Variants in GNAI2 observed in about 807,000 individuals in gnomAD.
GNAI2 encodes the protein guanine nucleotide-binding protein G(i) subunit alpha-2.
A neutral mutation model predicts 36.8 loss-of-function variants in GNAI2; 4 were observed. That is an observed-to-expected ratio of 0.11 (90% CI 0.05 to 0.25). The LOEUF is 0.25. GNAI2 is among the 10% of genes least tolerant of loss of function. The probability of loss-of-function intolerance (pLI) is 1.00; values close to 1 mark genes in which losing one functional copy is unlikely to be tolerated. For synonymous variants in GNAI2, 194 were observed against 194.1 expected, an observed-to-expected ratio of 1.00 and a Z score of 0.01; for missense variants, 230 against 481.3, an observed-to-expected ratio of 0.48 and a Z score of 4.89.
chr3:50,247,049 T>A, intron 1 of GNAI2: 3 of 909,098 alleles, frequency 3.3e-6, no homozygotes, highest in Non-Finnish European at 5.2e-6. Flanking sequence ...CACAGCAGTC[T>A]TCTCTGCAGG....
At chr3:50,251,769 C>T in intron 1 of GNAI2, 1 of 1,309,204 alleles carries the variant, frequency 7.6e-7, no homozygotes, top group Non-Finnish European at 9.9e-7. Context: ...TATGTGAGAA[C>T]AGGGTGGCTC....
chr3:50,227,739 G>T (rs916733588), upstream of GNAI2, among the ~76,000 whole-genome samples: 6 of 152,222 alleles, frequency 3.9e-5, no homozygotes, highest in African/African-American at 1.2e-4. The surrounding 1 kb of genome is among the most constrained non-coding windows in gnomAD (Gnocchi z 5.9). Flanking sequence ...GGGAAAATAA[G>T]AATTAGGGAG....
intron 1 of GNAI2, among the ~76,000 whole-genome samples, chr3:50,247,277 G>A (rs1700448325): frequency 1.3e-5 from 2 of 152,216 alleles, no homozygotes; most frequent in Admixed American, 1.3e-4. Context: ...AGGATCTCAG[G>A]AAGGATCAGA....
rs1233303196 is a variant in GNAI2 at position 50,236,743 on chromosome 3, C to T, written c.118+290C>T. ...TTGGCCATCCCCCCTTGCTAACTAG[C>T]TTCACAGAACTTCAGAGCCCCGCCA... On this transcript the variant is annotated intron_variant, in intron 1 of 8. Coordinates refer to ENST00000313601, the MANE Select transcript of GNAI2 (RefSeq NM_002070.4). This position sits in a 1 kb window ranked among gnomAD's most constrained non-coding sequence, Gnocchi z 4.0. 6.6e-6 allele frequency among the ~76,000 whole-genome samples: 1 copy of T among 151,838 alleles called. No homozygotes were observed. Among genetic ancestry groups the T allele is most frequent in the African/African-American group, 2.4e-5 (1 of 41,220 alleles).
chr3:50,256,677 C>T (rs782669254), intron 5 of GNAI2, 46 bp from the exon 6 acceptor site: 6 of 1,604,182 alleles, frequency 3.7e-6, no homozygotes, highest in Non-Finnish European at 5.1e-6. Flanking sequence ...GGTAGAAAGC[C>T]TCCCCCAGGC....
chr3:50,258,059 C>T (rs1700752883), intron 8 of GNAI2: 3 of 196,188 alleles, frequency 1.5e-5, no homozygotes, highest in South Asian at 1.5e-4. Flanking sequence ...TGCATGCCAG[C>T]GGAGCCCAGC....
At position 50,257,679 on chromosome 3, in the gene GNAI2, G is replaced by A; in HGVS notation, c.1057G>A (p.Gly353Ser). 1 of 1,573,782 alleles carries A rather than the reference G, an allele frequency of 6.4e-7. No individual in the cohort carries two copies. Among genetic ancestry groups the A allele is most frequent in the Non-Finnish European group, 8.6e-7 (1 of 1,156,410 alleles). The change falls in exon 8 of 9, where the codon GGC becomes AGC. Residue 353 changes from glycine to serine, a missense_variant. By Grantham distance (56) the Gly-to-Ser change is moderately conservative. Around this residue, in one of 4 missense-constraint regions of GNAI2, gnomAD observed 17 missense variants for 48.5 expected, o/e 0.35. Coordinates refer to ENST00000313601, the MANE Select transcript of GNAI2 (RefSeq NM_002070.4). The stretch of plus-strand genomic sequence containing the variant: ...CATCAAGAACAACCTGAAGGACTGC[G>A]GCCTCTTCTGAGGGGCAGCGGGGCC... ...VIIKNNLKDC[G>S]LF
At chr3:50,254,632 C>A (rs1553702933) in intron 4 of GNAI2, among the ~76,000 whole-genome samples, 1 of 152,242 alleles carries the variant, frequency 6.6e-6, no homozygotes, top group African/African-American at 2.4e-5. Flanking sequence ...AGATCTCTGG[C>A]CCAGCCACCA....
intron 1 of GNAI2, 126 bp from the exon 2 acceptor site, chr3:50,251,974 C>A: frequency 1.0e-6 from 1 of 982,186 alleles, no homozygotes; most frequent in South Asian, 1.5e-5. Context: ...CAGCTGCCTC[C>A]ATCTCACGGT....
intron 1 of GNAI2, among the ~76,000 whole-genome samples, chr3:50,248,830 G>A (rs1369150101): frequency 6.6e-6 from 1 of 152,124 alleles, no homozygotes; most frequent in Non-Finnish European, 1.5e-5. Context: ...GGACAGGGAA[G>A]TGGGCCCTCC....
At chr3:50,227,150 C>A, upstream of GNAI2, 1 of 1,444,350 alleles carries the variant, frequency 6.9e-7, no homozygotes, top group Non-Finnish European at 9.1e-7. This position sits in a 1 kb window ranked among gnomAD's most constrained non-coding sequence, Gnocchi z 5.9. Context: ...AGACGCTAGG[C>A]TGGACGAAGC....
At chr3:50,239,389 G>A (rs1264826048) in intron 1 of GNAI2, among the ~76,000 whole-genome samples, 7 of 152,172 alleles carry the variant, frequency 4.6e-5, no homozygotes, top group Admixed American at 6.5e-5. Context: ...ATCCTCCCTC[G>A]ACCAAGGCTG....
At chr3:50,251,560 G>C (rs1195406621) in intron 1 of GNAI2, 1 of 1,191,824 alleles carries the variant, frequency 8.4e-7, no homozygotes, top group African/African-American at 1.6e-5. Context: ...GCAGTGAGCA[G>C]AGGGCGGGGC....
chr3:50,243,581 G>A (rs1478361702), intron 1 of GNAI2, among the ~76,000 whole-genome samples: 1 of 152,256 alleles, frequency 6.6e-6, no homozygotes. Flanking sequence ...TTTCCCCTCA[G>A]GTGATAACCA....
intron 1 of GNAI2, among the ~76,000 whole-genome samples, chr3:50,247,317 C>T (rs1553701873): frequency 6.6e-6 from 1 of 152,194 alleles, no homozygotes; most frequent in African/African-American, 2.4e-5. Context: ...CAAGTCTGGA[C>T]CTCCTTCTGG....
chr3:50,253,397 TACAGTACATCTCTTCCA>T lies in GNAI2; in HGVS notation c.464+214_464+230del, dbSNP rs1197020791. Among the ~76,000 whole-genome samples, 4 of 152,326 alleles carry T rather than the reference TACAGTACATCTCTTCCA, an allele frequency of 2.6e-5. No individual in the cohort carries two copies. The East Asian group carries it at 7.7e-4, about 29-fold the overall frequency. On this transcript the variant is annotated intron_variant, in intron 4 of 8. Coordinates refer to ENST00000313601, the MANE Select transcript of GNAI2 (RefSeq NM_002070.4). This position sits in a 1 kb window ranked among gnomAD's most constrained non-coding sequence, Gnocchi z 4.2. ...GGAGGAATGACAGGCAGGTGGCTTA[TACAGTACATCTCTTCCA>T]GGCCAGTTGAGTCTGATCTGTCTTG...
At chr3:50,227,268 C>A, upstream of GNAI2, 1 of 770,206 alleles carries the variant, frequency 1.3e-6, no homozygotes, top group Non-Finnish European at 1.9e-6. The surrounding 1 kb of genome is among the most constrained non-coding windows in gnomAD (Gnocchi z 5.9). Context: ...GGATGGGGTG[C>A]CACAGAGGGC....
intron 1 of GNAI2, chr3:50,247,194 A>G: frequency 1.5e-6 from 1 of 656,740 alleles, no homozygotes; most frequent in South Asian, 1.7e-5. Flanking sequence ...CCCATCTCTC[A>G]GAAGGAGACA....
rs1187970135 is a variant in GNAI2 at position 50,259,126 on chromosome 3, C to T, written c.*783C>T. On this transcript the variant is annotated 3_prime_UTR_variant, in exon 9 of 9. Coordinates refer to ENST00000313601, the MANE Select transcript of GNAI2 (RefSeq NM_002070.4). ...AAGGGCTGTTCCAGACAACTGCCAACGTCACTGAGGGCCCTGCCCCAGCGG... is the reference window on the plus strand; with the variant it reads ...AAGGGCTGTTCCAGACAACTGCCAATGTCACTGAGGGCCCTGCCCCAGCGG... 2.9e-6 allele frequency: 1 copy of T among 349,154 alleles called. No individual in the cohort carries two copies. Among genetic ancestry groups the T allele is most frequent in the Non-Finnish European group, 5.6e-6 (1 of 179,336 alleles). 21.6% of individuals were successfully genotyped at this position (349,154 alleles called of 1,614,324 possible). A position where few individuals can be genotyped will look rare whatever the true frequency, so the allele number is the denominator to read the frequency against.
Sources: gnomAD v4.1 joint callset for allele counts (sites outside exome capture counted in the v4.1 genomes callset) on GRCh38, gnomAD v4.1.1 for gene constraint, gnomAD v4.1.1 regional missense constraint, Gnocchi (gnomAD v3.1) non-coding constraint, MANE v1.5 for transcripts, NCBI Gene and HGNC (gene_info 2026-07-23, HGNC 2026-07-21) for gene names.